NCALD: variants seen among roughly 807,000 people sequenced by gnomAD.
NCALD encodes the protein neurocalcin-delta.
NCALD carries 10 observed loss-of-function variants against 18.6 expected under a neutral mutation model. The ratio of observed to expected loss-of-function variants is 0.54; its 90% CI spans 0.33 to 0.91. The LOEUF (loss-of-function observed/expected upper bound fraction) is 0.91, where lower values mean the gene tolerates loss of function less well. Ranked by LOEUF, NCALD falls within the 40% of genes least tolerant of loss-of-function variation. The pLI is 0.03. For missense variants in NCALD, 184 were observed against 247.6 expected (o/e 0.74, Z 1.72); for synonymous variants, 88 against 87.4 (o/e 1.01, Z -0.04).
chr8:101,763,994 ACACACACACACACACACACACC>A (rs1210051918), intron 1 of NCALD, among the ~76,000 whole-genome samples: 7 of 91,322 alleles, frequency 7.7e-5, no homozygotes, highest in Admixed American at 1.4e-4. Flanking sequence ...ACACACACAC[ACACACACACACACACACACACC>A]CCCTATTGGT....
intron 1 of NCALD, among the ~76,000 whole-genome samples, chr8:102,059,885 T>A (rs569341450): frequency 1.3e-5 from 2 of 152,356 alleles, no homozygotes; most frequent in Admixed American, 6.5e-5. Context: ...GAGGGCCTGG[T>A]AAAACACAGC....
chr8:101,692,320 CACA>C, intron 3 of NCALD: 1 of 985,428 alleles, frequency 1.0e-6, no homozygotes, highest in Non-Finnish European at 1.2e-6. Flanking sequence ...CTCTGGGAAA[CACA>C]ACATCTCAGT....
chr8:102,091,662 G>C (rs570960844), intron 1 of NCALD, among the ~76,000 whole-genome samples: 1 of 152,152 alleles, frequency 6.6e-6, no homozygotes, highest in South Asian at 2.1e-4. Flanking sequence ...TAGTGCTGTT[G>C]TACTCTGTGT....
chr8:101,690,060 T>TCCTGCTAC (rs1814650552), intron 3 of NCALD, among the ~76,000 whole-genome samples: 2 of 152,170 alleles, frequency 1.3e-5, no homozygotes, highest in African/African-American at 4.8e-5. Flanking sequence ...TAGGGTGCTC[T>TCCTGCTAC]CCTGCTACCC....
chr8:101,814,256 A>G (rs1813412157), intron 4 of NCALD, among the ~76,000 whole-genome samples: 1 of 152,156 alleles, frequency 6.6e-6, no homozygotes, highest in Non-Finnish European at 1.5e-5. Context: ...TCAATAAAAA[A>G]TTAGCAAATT....
chr8:102,085,774 T>C (rs1192691358), intron 1 of NCALD, among the ~76,000 whole-genome samples: 1 of 151,100 alleles, frequency 6.6e-6, no homozygotes, highest in African/African-American at 2.4e-5. Context: ...AAAAAGTATC[T>C]AGTGGCACCA....
chr8:102,077,210 A>G (rs1198339465), intron 1 of NCALD, among the ~76,000 whole-genome samples: 1 of 152,196 alleles, frequency 6.6e-6, no homozygotes, highest in African/African-American at 2.4e-5. Context: ...TGAAAGGTTC[A>G]TTCCAACAAA....
chr8:102,033,574 C>T (rs1334444504), intron 1 of NCALD, among the ~76,000 whole-genome samples: 2 of 152,082 alleles, frequency 1.3e-5, no homozygotes, highest in Admixed American at 6.6e-5. Context: ...AGAATGGTTC[C>T]ACTGAACTAA....
At chr8:102,024,609 C>T (rs1364273422) in intron 1 of NCALD, among the ~76,000 whole-genome samples, 1 of 152,120 alleles carries the variant, frequency 6.6e-6, no homozygotes, top group African/African-American at 2.4e-5. Context: ...ACTCCACTTT[C>T]TCCTCCTCTC....
chr8:102,123,158 T>C (rs1440723732), intron 1 of NCALD, among the ~76,000 whole-genome samples: 1 of 152,230 alleles, frequency 6.6e-6, no homozygotes, highest in Non-Finnish European at 1.5e-5. Flanking sequence ...GGTAATACAG[T>C]GGCTTAGGTC....
At chr8:101,986,690 C>G (rs1444810474) in intron 2 of NCALD, 2 of 152,272 alleles carry the variant, frequency 1.3e-5, no homozygotes, top group African/African-American at 4.8e-5. Context: ...CACCCAACTC[C>G]ACACACACCC....
At chr8:101,934,739 G>C (rs1818699524) in intron 2 of NCALD, among the ~76,000 whole-genome samples, 1 of 152,172 alleles carries the variant, frequency 6.6e-6, no homozygotes, top group African/African-American at 2.4e-5. Context: ...GAGGCAGCGT[G>C]CTGCACTTTC....
chr8:101,801,658 T>C (rs1303355008), intron 4 of NCALD, among the ~76,000 whole-genome samples: 3 of 85,176 alleles, frequency 3.5e-5, no homozygotes, highest in South Asian at 4.4e-4. Flanking sequence ...TTTTTTTTTT[T>C]TTTTTTTTTT....
At chr8:101,719,740 A>G in intron 1 of NCALD, 92 bp from the exon 2 acceptor site, 1 of 1,225,094 alleles carries the variant, frequency 8.2e-7, no homozygotes, top group Non-Finnish European at 1.1e-6. Context: ...GGAAGAAGAA[A>G]AAACAAACAA....
intron 4 of NCALD, among the ~76,000 whole-genome samples, chr8:101,796,663 A>T (rs1812649893): frequency 6.6e-6 from 1 of 152,210 alleles, no homozygotes; most frequent in South Asian, 2.1e-4. Context: ...AAATACAGAA[A>T]AATGTAAGAG....
At chr8:101,935,248 G>A (rs1466398287) in intron 2 of NCALD, among the ~76,000 whole-genome samples, 1 of 152,042 alleles carries the variant, frequency 6.6e-6, no homozygotes, top group East Asian at 1.9e-4. Context: ...CAGGGGAATA[G>A]GTACTCCAAA....
chr8:101,705,431 G>A (rs1287981500), intron 2 of NCALD, among the ~76,000 whole-genome samples: 1 of 152,110 alleles, frequency 6.6e-6, no homozygotes. Flanking sequence ...TTAGAAACAT[G>A]TTGTGAAGAT....
chr8:101,910,376 G>A (rs962411609), intron 3 of NCALD, among the ~76,000 whole-genome samples: 6 of 151,436 alleles, frequency 4.0e-5, no homozygotes, highest in South Asian at 4.2e-4. Flanking sequence ...TGCTGAGGTC[G>A]CCAGAAAAGG....
intron 2 of NCALD, among the ~76,000 whole-genome samples, chr8:102,015,053 T>A (rs1452270661): frequency 6.6e-6 from 1 of 152,128 alleles, no homozygotes; most frequent in East Asian, 1.9e-4. Context: ...CCGAGATGGC[T>A]AGGAAATCAA....
Sources: gnomAD v4.1 joint callset for allele counts (sites outside exome capture counted in the v4.1 genomes callset) on GRCh38, gnomAD v4.1.1 for gene constraint, MANE v1.5 for transcripts, NCBI Gene and HGNC (gene_info 2026-07-23, HGNC 2026-07-21) for gene names.